SPTLC3: variants seen among roughly 807,000 people sequenced by gnomAD.
The protein encoded by SPTLC3 is serine palmitoyltransferase long chain base subunit 3.
SPTLC3 carries 36 observed loss-of-function variants against 59.3 expected under a neutral mutation model. The ratio of observed to expected loss-of-function variants is 0.61; its 90% CI spans 0.47 to 0.80. The LOEUF (loss-of-function observed/expected upper bound fraction) is 0.80, where lower values mean the gene tolerates loss of function less well. Ranked by LOEUF, SPTLC3 falls within the 30% of genes least tolerant of loss-of-function variation. The pLI is 0.00. For synonymous variants in SPTLC3, 257 were observed against 240.8 expected (o/e 1.07, Z -0.62); for missense variants, 625 against 685.1 (o/e 0.91, Z 0.98).
chr20:13,044,672 G>C (rs533563529), intron 1 of SPTLC3, among the ~76,000 whole-genome samples: 1 of 152,210 alleles, frequency 6.6e-6, no homozygotes, highest in East Asian at 1.9e-4. Context: ...AACATTTAAT[G>C]AGTTTTTGTA....
At chr20:13,077,060 T>C (rs1050565699) in intron 4 of SPTLC3, among the ~76,000 whole-genome samples, 4 of 152,028 alleles carry the variant, frequency 2.6e-5, no homozygotes, top group Non-Finnish European at 5.9e-5. Flanking sequence ...GAATACAAAA[T>C]TAAGGGAGAC....
chr20:13,124,149 A>G (rs2037932090), intron 8 of SPTLC3, among the ~76,000 whole-genome samples: 1 of 152,222 alleles, frequency 6.6e-6, no homozygotes, highest in Non-Finnish European at 1.5e-5. Context: ...CTCACCAAAT[A>G]AAAGAATCAT....
chr20:13,011,136 A>G (rs778056053), intron 1 of SPTLC3, among the ~76,000 whole-genome samples: 3 of 152,158 alleles, frequency 2.0e-5, no homozygotes, highest in Non-Finnish European at 4.4e-5. Context: ...CAGAAAAACA[A>G]ACGAACAAAA....
chr20:13,057,939 T>C (rs1050658931), intron 2 of SPTLC3, among the ~76,000 whole-genome samples: 2 of 152,242 alleles, frequency 1.3e-5, no homozygotes, highest in African/African-American at 4.8e-5. Context: ...ATACTTCAAG[T>C]GCAGCCAATT....
intron 6 of SPTLC3, among the ~76,000 whole-genome samples, chr20:13,098,039 AC>A (rs760437130): frequency 1.1e-4 from 16 of 152,202 alleles, no homozygotes; most frequent in Non-Finnish European, 1.9e-4. Context: ...ACAACTTATG[AC>A]CTGTGAACTA....
intron 1 of SPTLC3, among the ~76,000 whole-genome samples, chr20:13,026,092 T>C (rs762030300): frequency 8.9e-4 from 136 of 152,378 alleles, no homozygotes; most frequent in Non-Finnish European, 1.6e-3. Flanking sequence ...TGTTCCATGG[T>C]GTATGTGTAA....
intron 2 of SPTLC3, among the ~76,000 whole-genome samples, chr20:13,062,722 T>A (rs1988021415): frequency 6.6e-6 from 1 of 152,228 alleles, no homozygotes; most frequent in South Asian, 2.1e-4. Context: ...TGGGATCACA[T>A]CATACATCTT....
intron 11 of SPTLC3, chr20:13,164,370 T>C (rs890828817): frequency 6.3e-6 from 3 of 472,960 alleles, no homozygotes; most frequent in Non-Finnish European, 4.4e-6. Context: ...ATTTGCTGTG[T>C]CATGAAGATA....
intron 9 of SPTLC3, among the ~76,000 whole-genome samples, chr20:13,136,370 G>A (rs1445301415): frequency 6.6e-6 from 1 of 152,066 alleles, no homozygotes; most frequent in African/African-American, 2.4e-5. Flanking sequence ...GCCAAGGCAG[G>A]TGGATCACCC....
At chr20:13,050,744 A>G (rs1987451060) in intron 2 of SPTLC3, 1 of 152,236 alleles carries the variant, frequency 6.6e-6, no homozygotes, top group Non-Finnish European at 1.5e-5. Flanking sequence ...AAACCCTACA[A>G]GCTAAGACAG....
chr20:13,081,016 T>C (rs900869956), intron 4 of SPTLC3, among the ~76,000 whole-genome samples: 7 of 152,166 alleles, frequency 4.6e-5, no homozygotes, highest in African/African-American at 7.2e-5. Flanking sequence ...GGGATTAAGT[T>C]GCTTAAACTC....
Position 13,072,305 on chromosome 20 carries a change from T to G in SPTLC3, c.353T>G (p.Leu118Arg). 6.2e-7 allele frequency: 1 copy of G among 1,613,916 alleles called. No homozygotes were observed. The highest frequency in any genetic ancestry group is 8.5e-7 in the Non-Finnish European group (1 of 1,179,882). Reference sequence around the variant, plus strand: ...TTTGAAAATTTTTATACAAGAAACCTTTACATGCGAATCAGAGACAACTGG... The same window carrying G: ...TTTGAAAATTTTTATACAAGAAACCGTTACATGCGAATCAGAGACAACTGG... ...QDFENFYTRN[L>R]YMRIRDNWNR... Residue 118 changes from leucine to arginine, a missense_variant, in exon 3 of 12, where the codon CTT becomes CGT. By Grantham distance (102) the Leu-to-Arg change is moderately radical. Coordinates refer to ENST00000399002, the MANE Select transcript of SPTLC3 (RefSeq NM_018327.4).
At chr20:13,044,095 CT>C (rs145817191) in intron 1 of SPTLC3, among the ~76,000 whole-genome samples, 1,783 of 112,672 alleles carry the variant, frequency 0.016, 37 homozygotes, top group African/African-American at 0.049. Flanking sequence ...TGTCTTGTTT[CT>C]TTTTTTTCTT....
At chr20:13,097,863 G>A (rs921346248) in intron 6 of SPTLC3, among the ~76,000 whole-genome samples, 4 of 152,184 alleles carry the variant, frequency 2.6e-5, no homozygotes, top group East Asian at 1.9e-4. Context: ...GTGCAATGGC[G>A]GGTCCTAGAC....
At chr20:13,112,435 A>C (rs980837546) in intron 7 of SPTLC3, among the ~76,000 whole-genome samples, 1 of 152,152 alleles carries the variant, frequency 6.6e-6, no homozygotes, top group African/African-American at 2.4e-5. Flanking sequence ...AGACATTATC[A>C]CTTCTGCCCT....
intron 8 of SPTLC3, among the ~76,000 whole-genome samples, chr20:13,119,146 A>G (rs1324367722): frequency 1.3e-5 from 2 of 152,236 alleles, no homozygotes; most frequent in Non-Finnish European, 2.9e-5. Context: ...TCCTGGCTAC[A>G]TTGCTCTGTG....
intron 4 of SPTLC3, among the ~76,000 whole-genome samples, chr20:13,088,657 C>T (rs1037261238): frequency 2.0e-5 from 3 of 151,690 alleles, no homozygotes; most frequent in African/African-American, 4.8e-5. Context: ...CTCTCTCTGT[C>T]GCCCAGGGTA....
At chr20:13,037,118 A>G (rs1364359825) in intron 1 of SPTLC3, among the ~76,000 whole-genome samples, 5 of 152,162 alleles carry the variant, frequency 3.3e-5, no homozygotes, top group African/African-American at 7.2e-5. Context: ...AGACACAACA[A>G]TGTCTGGAGA....
chr20:13,020,043 A>C (rs1985787245), intron 1 of SPTLC3, among the ~76,000 whole-genome samples: 7 of 152,230 alleles, frequency 4.6e-5, no homozygotes, highest in Admixed American at 2.0e-4. Flanking sequence ...GAAATTTTGT[A>C]TAAAACTAGG....
Sources: allele counts gnomAD v4.1 joint callset (sites outside exome capture counted in the v4.1 genomes callset), GRCh38; gene constraint gnomAD v4.1.1; transcripts MANE v1.5; gene names NCBI Gene and HGNC (gene_info 2026-07-23, HGNC 2026-07-21).